The following CIMIP2C variants were observed in gnomAD, a reference collection of about 807,000 sequenced individuals.
The protein encoded by CIMIP2C is ciliary microtubule inner protein 2C, also known as UPF0573 protein C2orf70.
chr2:26,567,914 A>G, the CIMIP2C span, among the ~76,000 whole-genome samples: 1 of 152,134 alleles, frequency 6.6e-6, no homozygotes, highest in Non-Finnish European at 1.5e-5. Context: ...GAGAATTTCT[A>G]TGGCCCCTTG....
the CIMIP2C span, chr2:26,578,669 G>A: frequency 6.6e-6 from 3 of 453,178 alleles, no homozygotes; most frequent in African/African-American, 2.0e-5. Flanking sequence ...AGTATAGTGG[G>A]ACTCTCCTGG....
chr2:26,575,919 C>T, the CIMIP2C span: 420 of 1,613,382 alleles, frequency 2.6e-4, 1 homozygote, highest in Admixed American at 1.6e-3. Flanking sequence ...GGCCACGTCC[C>T]CACTGTGGCC....
the CIMIP2C span, among the ~76,000 whole-genome samples, chr2:26,565,162 T>C: frequency 4.0e-5 from 6 of 149,578 alleles, no homozygotes; most frequent in South Asian, 1.3e-3. Context: ...CAATCTCGGC[T>C]CACAGCAACC....
the CIMIP2C span, chr2:26,577,933 A>G: frequency 3.1e-5 from 12 of 393,068 alleles, no homozygotes; most frequent in Non-Finnish European, 4.6e-5. Context: ...CCCGCCTGCA[A>G]AGGCAGCCTG....
chr2:26,579,085 C>G, the CIMIP2C span: 2 of 593,528 alleles, frequency 3.4e-6, no homozygotes, highest in African/African-American at 1.9e-5. Flanking sequence ...GTCTGTCTGA[C>G]ATCTGTGTCC....
chr2:26,565,666 G>C, the CIMIP2C span, among the ~76,000 whole-genome samples: 1 of 149,978 alleles, frequency 6.7e-6, no homozygotes, highest in African/African-American at 2.5e-5. Context: ...TATCCCCCCT[G>C]CCTCACCTAC....
the CIMIP2C span, among the ~76,000 whole-genome samples, chr2:26,565,159 G>A: frequency 3.2e-4 from 48 of 148,182 alleles, no homozygotes; most frequent in Admixed American, 7.5e-4. Context: ...GCGCAATCTC[G>A]GCTCACAGCA....
At chr2:26,571,265 C>G in the CIMIP2C span, among the ~76,000 whole-genome samples, 10 of 152,152 alleles carry the variant, frequency 6.6e-5, no homozygotes, top group African/African-American at 2.4e-4. Context: ...GGGGAAGGAG[C>G]CAGACCCAGG....
the CIMIP2C span, chr2:26,579,287 C>G: frequency 5.1e-5 from 83 of 1,613,772 alleles, no homozygotes; most frequent in Admixed American, 2.0e-4. Flanking sequence ...CCCATCCTCA[C>G]CCCTAGGCCT....
the CIMIP2C span, among the ~76,000 whole-genome samples, chr2:26,575,542 C>A: frequency 2.0e-5 from 3 of 152,182 alleles, no homozygotes; most frequent in Non-Finnish European, 4.4e-5. Flanking sequence ...GCAAAGACCT[C>A]TGTGGGGAGG....
chr2:26,578,643 G>T, the CIMIP2C span: 1 of 415,290 alleles, frequency 2.4e-6, no homozygotes, highest in Non-Finnish European at 5.0e-6. Flanking sequence ...ATGGCTCTGA[G>T]CCAGTCCATC....
chr2:26,566,791 C>T, the CIMIP2C span, among the ~76,000 whole-genome samples: 31 of 152,222 alleles, frequency 2.0e-4, no homozygotes, highest in Non-Finnish European at 4.0e-4. Context: ...ACGATCACAG[C>T]TCACTATAGC....
the CIMIP2C span, chr2:26,579,440 ACTTTTAGTTCAGAGCAGAGC>A: frequency 6.2e-7 from 1 of 1,613,394 alleles, no homozygotes. Flanking sequence ...AGAGCATGAG[ACTTTTAGTTCAGAGCAGAGC>A]CTGATGCCTG....
chr2:26,568,874 A>G, the CIMIP2C span, among the ~76,000 whole-genome samples: 1 of 152,126 alleles, frequency 6.6e-6, no homozygotes, highest in South Asian at 2.1e-4. Context: ...TACAAAAATT[A>G]GCTGGGCATA....
the CIMIP2C span, among the ~76,000 whole-genome samples, chr2:26,575,470 G>C: frequency 3.2e-4 from 48 of 152,272 alleles, no homozygotes; most frequent in South Asian, 4.1e-3. Context: ...AGCATTGACT[G>C]GGGGGGTATC....
the CIMIP2C span, chr2:26,562,664 G>T: frequency 2.7e-5 from 43 of 1,580,698 alleles, no homozygotes; most frequent in Non-Finnish European, 8.6e-7. Context: ...TGCCGCCTAC[G>T]TGCCCCCTGG....
the CIMIP2C span, chr2:26,572,290 T>C: frequency 2.4e-6 from 2 of 821,714 alleles, no homozygotes; most frequent in Non-Finnish European, 1.8e-6. Flanking sequence ...GTTCTGCACT[T>C]CAATAGATTT....
chr2:26,575,965 C>T, the CIMIP2C span: 1 of 1,614,026 alleles, frequency 6.2e-7, no homozygotes, highest in Non-Finnish European at 8.5e-7. Context: ...CCACCACCCT[C>T]AAGTACTTCC....
At chr2:26,568,220 T>G in the CIMIP2C span, among the ~76,000 whole-genome samples, 1 of 152,226 alleles carries the variant, frequency 6.6e-6, no homozygotes, top group Non-Finnish European at 1.5e-5. Flanking sequence ...ACAGGGAGCT[T>G]CCTTCTCTAT....
Sources: allele counts gnomAD v4.1 joint callset (sites outside exome capture counted in the v4.1 genomes callset), GRCh38; gene constraint gnomAD v4.1.1; transcripts MANE v1.5; gene names NCBI Gene and HGNC (gene_info 2026-07-23, HGNC 2026-07-21).